The following IPCEF1 variants were observed in gnomAD, a reference collection of about 807,000 sequenced individuals.
IPCEF1 encodes interactor protein for cytohesin exchange factors 1.
In IPCEF1, 31 loss-of-function variants were observed where a neutral mutation model predicts 50.9. The observed-to-expected ratio is 0.61, with a 90% CI of 0.46 to 0.82. IPCEF1 has a LOEUF of 0.82. IPCEF1 is among the 40% of genes least tolerant of loss of function. The pLI is 0.00. For missense variants in IPCEF1, 458 were observed against 514.0 expected (o/e 0.89, Z 1.05); for synonymous variants, 181 against 192.0 (o/e 0.94, Z 0.47).
At chr6:154,214,905 A>C (rs1166724875) in intron 7 of IPCEF1, among the ~76,000 whole-genome samples, 1 of 152,220 alleles carries the variant, frequency 6.6e-6, no homozygotes, top group Non-Finnish European at 1.5e-5. Flanking sequence ...CGAGACAGAA[A>C]CTCAAACTTG....
At chr6:154,239,043 G>A (rs1398039465) in intron 5 of IPCEF1, among the ~76,000 whole-genome samples, 3 of 152,002 alleles carry the variant, frequency 2.0e-5, no homozygotes, top group South Asian at 2.1e-4. Flanking sequence ...GAGCTAAGAA[G>A]ACTGTCCTCT....
intron 1 of IPCEF1, among the ~76,000 whole-genome samples, chr6:154,342,584 G>A (rs1783939788): frequency 6.6e-6 from 1 of 152,010 alleles, no homozygotes. Flanking sequence ...ACCACACCTG[G>A]CAATTTTTTT....
intron 1 of IPCEF1, among the ~76,000 whole-genome samples, chr6:154,316,454 T>C (rs1159981770): frequency 6.6e-6 from 1 of 152,128 alleles, no homozygotes; most frequent in East Asian, 1.9e-4. Flanking sequence ...AAGAAGGAAA[T>C]TCTGTCATTT....
intron 1 of IPCEF1, among the ~76,000 whole-genome samples, chr6:154,305,568 A>C (rs948168000): frequency 2.0e-5 from 3 of 152,170 alleles, no homozygotes; most frequent in Admixed American, 6.5e-5. Flanking sequence ...AACCACTGAA[A>C]CTACCCCCAG....
In IPCEF1 at chr6:154,199,924, C is replaced by T. The variant is rs139637832; in HGVS notation, c.654G>A (p.Glu218=). The change falls in exon 10 of 12, where the codon GAG becomes GAA. Residue 218 remains glutamate (E), a synonymous_variant. Transcript: ENST00000367220. The part of the protein sequence containing the change: ...PSSFPSSLSK[E]RQSLPDTVNS... ...TAACTGTGTCAGGCAAGGATTGTCT[C>T]TCTTTAGATAAGGAGGAAGGAAAAC... is the stretch of plus-strand genomic sequence containing the variant. 1.7e-5 allele frequency: 27 copies of T among 1,614,170 alleles called. No homozygotes were observed. In the African/African-American group the frequency reaches 3.5e-4, roughly 21 times the overall value.
intron 2 of IPCEF1, among the ~76,000 whole-genome samples, chr6:154,282,214 G>A (rs1423668538): frequency 6.6e-6 from 1 of 152,060 alleles, no homozygotes; most frequent in Non-Finnish European, 1.5e-5. Context: ...GTTTTGCAGG[G>A]TTCTGATCTG....
intron 5 of IPCEF1, among the ~76,000 whole-genome samples, chr6:154,236,096 T>G (rs961895321): frequency 1.3e-5 from 2 of 152,204 alleles, no homozygotes; most frequent in Non-Finnish European, 2.9e-5. Context: ...TCATCTCTAT[T>G]GTGAATATTG....
At chr6:154,352,359 G>A (rs930781186) in intron 1 of IPCEF1, among the ~76,000 whole-genome samples, 1 of 152,208 alleles carries the variant, frequency 6.6e-6, no homozygotes, top group Non-Finnish European at 1.5e-5. Flanking sequence ...AATGCTTAGT[G>A]CATGCTGGGT....
At chr6:154,325,490 T>G (rs899233736) in intron 1 of IPCEF1, among the ~76,000 whole-genome samples, 11 of 152,222 alleles carry the variant, frequency 7.2e-5, no homozygotes, top group African/African-American at 2.7e-4. Flanking sequence ...TAAATGTATA[T>G]CTGTACTGTC....
intron 1 of IPCEF1, among the ~76,000 whole-genome samples, chr6:154,343,757 TA>T (rs773604497): frequency 6.6e-6 from 1 of 152,336 alleles, no homozygotes; most frequent in Non-Finnish European, 1.5e-5. Context: ...TCGTCCCTTT[TA>T]AAGCAGCTCC....
intron 5 of IPCEF1, among the ~76,000 whole-genome samples, chr6:154,246,082 T>C (rs1727080646): frequency 6.6e-6 from 1 of 152,064 alleles, no homozygotes; most frequent in African/African-American, 2.4e-5. Flanking sequence ...GGGTTAGCGA[T>C]TCCAAACCAA....
At chr6:154,249,911 T>C (rs961426429) in intron 3 of IPCEF1, among the ~76,000 whole-genome samples, 1 of 34,450 alleles carries the variant, frequency 2.9e-5, no homozygotes, top group African/African-American at 1.4e-4. Context: ...AAGAAAGGCT[T>C]TTTTTTTGTT....
intron 10 of IPCEF1, among the ~76,000 whole-genome samples, chr6:154,169,336 G>C (rs1050744816): frequency 6.6e-6 from 1 of 152,128 alleles, no homozygotes; most frequent in South Asian, 2.1e-4. Context: ...ACTCCAGCCT[G>C]GGCTACAGAG....
chr6:154,274,503 A>G (rs1782004885), intron 2 of IPCEF1, among the ~76,000 whole-genome samples: 1 of 152,192 alleles, frequency 6.6e-6, no homozygotes, highest in Non-Finnish European at 1.5e-5. Context: ...TTACCATAGT[A>G]ACAAACAGGT....
chr6:154,171,677 G>A (rs1271162189), intron 10 of IPCEF1, among the ~76,000 whole-genome samples: 1 of 152,180 alleles, frequency 6.6e-6, no homozygotes, highest in East Asian at 1.9e-4. Context: ...ATTGTCATGA[G>A]AGCTGATGCT....
At chr6:154,179,606 A>T (rs759728943) in intron 10 of IPCEF1, among the ~76,000 whole-genome samples, 2 of 152,204 alleles carry the variant, frequency 1.3e-5, no homozygotes, top group Non-Finnish European at 2.9e-5. Context: ...GTCTTCCTAC[A>T]TAAAACAGCA....
chr6:154,355,163 A>C (rs572432142), intron 1 of IPCEF1, among the ~76,000 whole-genome samples: 1 of 152,206 alleles, frequency 6.6e-6, no homozygotes, highest in Non-Finnish European at 1.5e-5. Context: ...AGGATGCACG[A>C]GTCAAAAGGA....
intron 5 of IPCEF1, among the ~76,000 whole-genome samples, chr6:154,236,693 T>C (rs1780162780): frequency 6.6e-6 from 1 of 152,218 alleles, no homozygotes; most frequent in African/African-American, 2.4e-5. Context: ...ATGAGCACCA[T>C]CTCTTTCACA....
chr6:154,294,920 C>A lies in IPCEF1; in HGVS notation c.-61-5164G>T, dbSNP rs184011538. On this transcript the variant is annotated intron_variant, in intron 1 of 11. Coordinates refer to ENST00000367220, the MANE Select transcript of IPCEF1 (RefSeq NM_001130700.2). ...TTATTTTTTAAAAAAAGTACTTGGC[C>A]GGGCGTGGTAACTCATGCCTGTAAT... Among the ~76,000 whole-genome samples the A allele has an allele frequency of 5.9e-5, 9 of 152,012 alleles. No individual in the cohort carries two copies. In the East Asian group the frequency reaches 1.7e-3, roughly 29 times the overall value.
Sources: gnomAD v4.1 joint callset for allele counts (sites outside exome capture counted in the v4.1 genomes callset) on GRCh38, gnomAD v4.1.1 for gene constraint, MANE v1.5 for transcripts, NCBI Gene and HGNC (gene_info 2026-07-23, HGNC 2026-07-21) for gene names.